The following PTDSS1 variants were observed in gnomAD, a reference collection of about 807,000 sequenced individuals.
The protein encoded by PTDSS1 is phosphatidylserine synthase 1.
A neutral mutation model predicts 70.5 loss-of-function variants in PTDSS1; 45 were observed. The ratio of observed to expected loss-of-function variants is 0.64; its 90% confidence interval spans 0.50 to 0.82. The LOEUF (loss-of-function observed/expected upper bound fraction) is 0.82, where lower values mean the gene tolerates loss of function less well. Among genes scored for constraint, PTDSS1 ranks in the 40% least tolerant of loss-of-function variants. PTDSS1 has a pLI of 0.00. For synonymous variants in PTDSS1, 188 were observed against 203.8 expected (o/e 0.92, Z 0.66); for missense variants, 417 against 586.1 (o/e 0.71, Z 2.98).
chr8:96,298,827 G>A (rs1464728538), intron 5 of PTDSS1, among the ~76,000 whole-genome samples: 1 of 152,038 alleles, frequency 6.6e-6, no homozygotes, highest in Non-Finnish European at 1.5e-5. Flanking sequence ...GGATCATGAG[G>A]TCAGGAGTTC....
At chr8:96,316,776 C>G (rs568948044) in intron 9 of PTDSS1, among the ~76,000 whole-genome samples, 1 of 152,218 alleles carries the variant, frequency 6.6e-6, no homozygotes, top group South Asian at 2.1e-4. Flanking sequence ...GGGCGGATCA[C>G]GAGGTCAGGA....
At chr8:96,310,924 C>A (rs867369864) in intron 9 of PTDSS1, among the ~76,000 whole-genome samples, 3 of 152,088 alleles carry the variant, frequency 2.0e-5, no homozygotes, top group Non-Finnish European at 4.4e-5. Context: ...TGCCACCACA[C>A]CCAGCTAATT....
intron 4 of PTDSS1, among the ~76,000 whole-genome samples, chr8:96,288,042 G>A (rs983074921): frequency 2.0e-5 from 3 of 152,104 alleles, no homozygotes; most frequent in Non-Finnish European, 2.9e-5. Context: ...ACAAATCAGG[G>A]GTTCCCACAA....
chr8:96,313,476 AC>A (rs1811241134), intron 9 of PTDSS1, among the ~76,000 whole-genome samples: 1 of 152,174 alleles, frequency 6.6e-6, no homozygotes, highest in Non-Finnish European at 1.5e-5. Context: ...TCCCCATTCC[AC>A]CCTGATTAGA....
chr8:96,266,648 T>C (rs572250796), intron 1 of PTDSS1, among the ~76,000 whole-genome samples: 3 of 152,360 alleles, frequency 2.0e-5, no homozygotes, highest in African/African-American at 7.2e-5. Flanking sequence ...AAGCCCTGCA[T>C]GCCCTTGTTG....
At chr8:96,327,585 G>GA (rs1811455789) in intron 10 of PTDSS1, among the ~76,000 whole-genome samples, 1 of 152,170 alleles carries the variant, frequency 6.6e-6, no homozygotes, top group Non-Finnish European at 1.5e-5. Context: ...GCCCCACTCA[G>GA]AAAAGCAAAG....
intron 2 of PTDSS1, among the ~76,000 whole-genome samples, chr8:96,279,962 G>A (rs986035916): frequency 1.3e-5 from 2 of 152,126 alleles, no homozygotes; most frequent in Non-Finnish European, 2.9e-5. Flanking sequence ...AGCTGACTAA[G>A]AGGGTCTGCC....
Position 96,334,045 on chromosome 8 carries a change from G to C in PTDSS1, c.*479G>C. ...CTTTTCTGTCTTTTATTTGGTTACT[G>C]TTGTTATTTGTTTTTAAGTTAGGAT... On this transcript the variant is annotated 3_prime_UTR_variant, in exon 13 of 13. Coordinates refer to ENST00000517309, the MANE Select transcript of PTDSS1 (RefSeq NM_014754.3). The C allele has an allele frequency of 2.4e-6, 1 of 414,004 alleles. No homozygotes were observed. The highest frequency in any genetic ancestry group is 4.3e-6 in the Non-Finnish European group (1 of 233,404). The allele number at this position is 414,004 out of a possible 1,614,324, so 25.6% of individuals were successfully genotyped here.
intron 6 of PTDSS1, 152 bp from the exon 7 acceptor site, chr8:96,303,888 A>C: frequency 2.4e-6 from 2 of 838,360 alleles, no homozygotes; most frequent in East Asian, 2.7e-5. Flanking sequence ...ACCTGTATAG[A>C]GAGACCTTTG....
rs748159287 is a variant in PTDSS1, at chr8:96,333,552, G to A, written c.1408G>A (p.Val470Ile). The A allele has an allele frequency of 7.5e-6, 12 of 1,609,856 alleles. No individual in the cohort carries two copies. In the Admixed American group the frequency reaches 8.3e-5, roughly 11 times the overall value. The change falls in exon 13 of 13, where the codon GTT becomes ATT. Residue 470 changes from valine to isoleucine, a missense_variant. Transcript: ENST00000517309. ...TTCCAAGTCAAAAGTCACCAATGGC[G>A]TTGGAAAGAAATGAAAAACCCTGGT... ...RHSKSKVTNG[V>I]GKK
At chr8:96,332,906 A>AG (rs747921175) in intron 12 of PTDSS1, among the ~76,000 whole-genome samples, 2 of 152,190 alleles carry the variant, frequency 1.3e-5, no homozygotes, top group Non-Finnish European at 2.9e-5. Flanking sequence ...GCTCAGCTGG[A>AG]GGGCAGAGGC....
chr8:96,273,423 T>C (rs375409323), intron 2 of PTDSS1, 33 bp downstream of exon 2: 37 of 1,501,764 alleles, frequency 2.5e-5, no homozygotes, highest in Non-Finnish European at 3.4e-5. Flanking sequence ...ACATTTCTCC[T>C]ATATTGTGCC....
At chr8:96,326,192 C>T (rs1811435976) in intron 10 of PTDSS1, among the ~76,000 whole-genome samples, 1 of 152,174 alleles carries the variant, frequency 6.6e-6, no homozygotes, top group African/African-American at 2.4e-5. Context: ...TCTGCCTGAT[C>T]TGAAAGACTT....
At chr8:96,318,777 G>A (rs1302523353) in intron 9 of PTDSS1, among the ~76,000 whole-genome samples, 1 of 152,090 alleles carries the variant, frequency 6.6e-6, no homozygotes, top group East Asian at 1.9e-4. Flanking sequence ...CTTTGCTGAA[G>A]TGGTTCTAAC....
At chr8:96,276,277 G>A (rs947748892) in intron 2 of PTDSS1, among the ~76,000 whole-genome samples, 4 of 152,328 alleles carry the variant, frequency 2.6e-5, no homozygotes, top group Admixed American at 6.5e-5. Context: ...GGTACCAAAG[G>A]CACTGAAGGT....
chr8:96,294,906 T>G (rs1011687133), intron 4 of PTDSS1, among the ~76,000 whole-genome samples, 192 bp from the exon 5 acceptor site: 2 of 152,248 alleles, frequency 1.3e-5, no homozygotes, highest in African/African-American at 2.4e-5. Flanking sequence ...GCAAAGCAGT[T>G]TTGATTTATA....
chr8:96,327,820 A>G (rs1811459162), intron 10 of PTDSS1, among the ~76,000 whole-genome samples: 1 of 151,944 alleles, frequency 6.6e-6, no homozygotes, highest in Non-Finnish European at 1.5e-5. Context: ...CTCTCATCCC[A>G]CGTAGTTTCT....
intron 8 of PTDSS1, among the ~76,000 whole-genome samples, chr8:96,308,431 CA>C (rs1443279833): frequency 6.6e-6 from 1 of 152,160 alleles, no homozygotes; most frequent in South Asian, 2.1e-4. Context: ...AACTTTAATG[CA>C]AAGTGTTATG....
At chr8:96,295,037 A>C in intron 4 of PTDSS1, 61 bp from the exon 5 acceptor site, 1 of 1,481,354 alleles carries the variant, frequency 6.8e-7, no homozygotes. Context: ...TACCGGCAGA[A>C]TCCTGGAAGC....
Sources: allele counts gnomAD v4.1 joint callset (sites outside exome capture counted in the v4.1 genomes callset), GRCh38; gene constraint gnomAD v4.1.1; transcripts MANE v1.5; gene names NCBI Gene and HGNC (gene_info 2026-07-23, HGNC 2026-07-21).